The following MLF1 variants were observed in gnomAD, a reference collection of about 807,000 sequenced individuals.
MLF1 encodes myeloid leukemia factor 1, also known as myelodysplasia-myeloid leukemia factor 1.
In MLF1, 37 loss-of-function variants were observed where a neutral mutation model predicts 38.3. The observed-to-expected ratio is 0.96, with a 90% CI of 0.74 to 1.27. The LOEUF is 1.27. Among genes scored for constraint, MLF1 ranks in the 50% most tolerant of loss-of-function variants. The probability of loss-of-function intolerance (pLI) is 0.00; values close to 1 mark genes in which losing one functional copy is unlikely to be tolerated. For missense variants in MLF1, 331 were observed against 349.2 expected, an observed-to-expected ratio of 0.95 and a Z score of 0.42; for synonymous variants, 95 against 106.5, an observed-to-expected ratio of 0.89 and a Z score of 0.66.
intron 1 of MLF1, 53 bp downstream of exon 1, chr3:158,571,400 G>A: frequency 6.2e-7 from 1 of 1,611,016 alleles, no homozygotes; most frequent in Non-Finnish European, 8.5e-7. Context: ...AGGTATCGAG[G>A]GGAGCTATTT....
intron 1 of MLF1, among the ~76,000 whole-genome samples, chr3:158,586,448 A>G (rs1188651020): frequency 2.0e-5 from 3 of 152,272 alleles, no homozygotes; most frequent in African/African-American, 7.2e-5. Flanking sequence ...CCATGGTTTA[A>G]GTTTGAGTGT....
At chr3:158,591,907 T>G (rs1203535303) in intron 1 of MLF1, among the ~76,000 whole-genome samples, 1 of 152,212 alleles carries the variant, frequency 6.6e-6, no homozygotes, top group East Asian at 1.9e-4. Flanking sequence ...TTCATTAATT[T>G]TATTTATAAC....
At position 158,605,158 on chromosome 3, in the gene MLF1, A is replaced by G; in HGVS notation, c.808A>G (p.Lys270Glu). 1 of 1,613,978 alleles carries G rather than the reference A, an allele frequency of 6.2e-7. No homozygotes were observed. The highest frequency in any genetic ancestry group is 1.1e-5 in the South Asian group (1 of 91,008). The change falls in exon 8 of 8, where the codon AAA becomes GAA. Residue 270 changes from lysine (K) to glutamate (E), a missense_variant. Transcript: ENST00000466246. ...AAGGAGATCAAATGTTTTGGGGGAC[A>G]AACTCCACATCAAAGGCTCATCTGT... ...HGRRSNVLGDKLHIKGSSVKS... is the reference protein window; with the variant it reads ...HGRRSNVLGDELHIKGSSVKS...
intron 1 of MLF1, among the ~76,000 whole-genome samples, chr3:158,584,169 AAAGGGAGGGAGAG>A (rs1203192991): frequency 2.6e-5 from 4 of 152,202 alleles, no homozygotes; most frequent in African/African-American, 9.7e-5. Context: ...CAGTCACTGG[AAAGGGAGGGAGAG>A]AAGTCCCCAA....
At chr3:158,578,261 A>G (rs768642660) in intron 1 of MLF1, among the ~76,000 whole-genome samples, 2 of 152,096 alleles carry the variant, frequency 1.3e-5, no homozygotes, top group Non-Finnish European at 2.9e-5. Flanking sequence ...TCCCTTAATG[A>G]GTGAGCCTGC....
rs577952857 is a variant in MLF1 at position 158,577,165 on chromosome 3, T to G, written c.47+5818T>G. Among the ~76,000 whole-genome samples, 20 of 152,322 alleles carry G rather than the reference T, an allele frequency of 1.3e-4. No individual in the cohort carries two copies. In the East Asian group the frequency reaches 3.7e-3, roughly 28 times the overall value. On this transcript the variant is annotated intron_variant, in intron 1 of 7. Transcript: ENST00000466246. The stretch of plus-strand genomic sequence containing the variant: ...TACAAATTTGTATTTATTTTATACT[T>G]GGAAGTAGTTGGATTTATTAAAGGA...
intron 3 of MLF1, among the ~76,000 whole-genome samples, chr3:158,594,862 T>C (rs528216596): frequency 7.2e-5 from 11 of 152,186 alleles, no homozygotes; most frequent in African/African-American, 2.6e-4. Flanking sequence ...GTCAAAACAA[T>C]CATTTTAGTT....
chr3:158,577,592 A>C (rs1040810805), intron 1 of MLF1, among the ~76,000 whole-genome samples: 2 of 152,216 alleles, frequency 1.3e-5, no homozygotes, highest in Non-Finnish European at 2.9e-5. Flanking sequence ...ATTTCTTATA[A>C]ATGAACTTTG....
At chr3:158,592,841 A>G (rs933215418) in intron 2 of MLF1, among the ~76,000 whole-genome samples, 1 of 152,142 alleles carries the variant, frequency 6.6e-6, no homozygotes, top group African/African-American at 2.4e-5. Flanking sequence ...ATTATTTTTT[A>G]TATTTATGTA....
intron 6 of MLF1, 86 bp downstream of exon 6, chr3:158,600,259 A>C: frequency 2.7e-6 from 2 of 754,306 alleles, no homozygotes; most frequent in Non-Finnish European, 3.7e-6. Flanking sequence ...GAAACATGTC[A>C]TAAGATGTAG....
intron 2 of MLF1, among the ~76,000 whole-genome samples, chr3:158,593,173 A>C (rs1340119238): frequency 6.6e-6 from 1 of 151,790 alleles, no homozygotes; most frequent in East Asian, 1.9e-4. Flanking sequence ...TATTGTAACC[A>C]TTTTCTTTTT....
chr3:158,596,942 CT>C lies in MLF1; in HGVS notation c.323del (p.Phe108SerfsTer19). ...ACTATATGCAGAAATTAGAAAGAAACTTCGTAAGTACTAAAAACAAAGCATT... is the reference window on the plus strand; with the variant it reads ...ACTATATGCAGAAATTAGAAAGAAACTCGTAAGTACTAAAAACAAAGCATT... ...RNYMQKLERN[F>X]GQLSVDPNGH... is the part of the protein sequence containing the mutation. On this transcript the variant is annotated frameshift_variant and splice_region_variant, in exon 4 of 8. Transcript: ENST00000466246. LOFTEE classifies it high-confidence loss of function. 6.3e-7 allele frequency: 1 copy of C among 1,585,970 alleles called. No individual in the cohort carries two copies. Among genetic ancestry groups the C allele is most frequent in the Non-Finnish European group, 8.6e-7 (1 of 1,157,446 alleles).
rs1024436899 is a variant in MLF1 at position 158,591,640 on chromosome 3, C to G, written c.48-794C>G. ...CATAAGATTGCCTTGGTAAAGTGAG[C>G]TCCAATCATGGTGTACCTTAAGTTC... is the stretch of plus-strand genomic sequence containing the variant. On this transcript the variant is annotated intron_variant, in intron 1 of 7. Transcript: ENST00000466246. Among the ~76,000 whole-genome samples, 7 of 151,898 alleles carry G rather than the reference C, an allele frequency of 4.6e-5. No individual in the cohort carries two copies. The East Asian group carries it at 1.4e-3, about 29-fold the overall frequency.
At chr3:158,577,035 G>A (rs536402285) in intron 1 of MLF1, among the ~76,000 whole-genome samples, 1 of 152,126 alleles carries the variant, frequency 6.6e-6, no homozygotes, top group South Asian at 2.1e-4. Flanking sequence ...CTCCATATGA[G>A]CATCATATAT....
intron 3 of MLF1, among the ~76,000 whole-genome samples, chr3:158,595,302 G>A (rs966217966): frequency 6.6e-6 from 1 of 152,120 alleles, no homozygotes; most frequent in African/African-American, 2.4e-5. Flanking sequence ...GGAAGAAAGA[G>A]GAGAATGTGT....
rs992491039 is a variant in MLF1, at chr3:158,605,956, T to C, written c.*754T>C. On this transcript the variant is annotated 3_prime_UTR_variant, in exon 8 of 8. Transcript: ENST00000466246. The stretch of plus-strand genomic sequence containing the variant: ...CTCCTTTCCCACAAACAGCTTCATC[T>C]GTCTCCAAGGTTAACATTCTGAAGC... 11 of 183,060 alleles carry C rather than the reference T, an allele frequency of 6.0e-5. No homozygotes were observed. Among genetic ancestry groups the C allele is most frequent in the African/African-American group, 2.6e-4 (11 of 42,718 alleles). 11.3% of individuals were successfully genotyped at this position (183,060 alleles called of 1,614,324 possible).
chr3:158,579,015 A>T (rs1715914518), intron 1 of MLF1, among the ~76,000 whole-genome samples: 1 of 152,204 alleles, frequency 6.6e-6, no homozygotes, highest in South Asian at 2.1e-4. Flanking sequence ...AGAGTCTGCA[A>T]AATATTGCAC....
At chr3:158,573,324 C>T (rs1714840465) in intron 1 of MLF1, 1 of 142,370 alleles carries the variant, frequency 7.0e-6, no homozygotes, top group Admixed American at 7.4e-5. Flanking sequence ...GAAGGGACTC[C>T]GCTTTCTGTC....
chr3:158,585,647 C>T (rs1193840596), intron 1 of MLF1, among the ~76,000 whole-genome samples: 1 of 151,998 alleles, frequency 6.6e-6, no homozygotes, highest in Admixed American at 6.6e-5. Context: ...GCAGAATGTT[C>T]ACAAGCAAAG....
Sources: gnomAD v4.1 joint callset for allele counts (sites outside exome capture counted in the v4.1 genomes callset) on GRCh38, gnomAD v4.1.1 for gene constraint, MANE v1.5 for transcripts, NCBI Gene and HGNC (gene_info 2026-07-23, HGNC 2026-07-21) for gene names.